Variants in MYO1B observed in about 807,000 individuals in gnomAD.
MYO1B encodes myosin IB, also known as unconventional myosin-Ib.
In MYO1B, 72 loss-of-function variants were observed where a neutral mutation model predicts 159.7. The observed-to-expected ratio is 0.45, with a 90% CI of 0.37 to 0.55. The LOEUF is 0.55. Ranked by LOEUF, MYO1B falls within the 20% of genes least tolerant of loss-of-function variation. MYO1B has a pLI of 0.00. For synonymous variants in MYO1B, 468 were observed against 473.8 expected, an observed-to-expected ratio of 0.99 and a Z score of 0.16; for missense variants, 1,062 against 1,364.8, an observed-to-expected ratio of 0.78 and a Z score of 3.50.
intron 27 of MYO1B, among the ~76,000 whole-genome samples, chr2:191,412,083 G>T (rs1158893464): frequency 2.6e-5 from 4 of 152,194 alleles, no homozygotes; most frequent in African/African-American, 9.7e-5. Context: ...GACTCACTGG[G>T]TTTAAATATT....
intron 1 of MYO1B, among the ~76,000 whole-genome samples, chr2:191,256,183 A>G (rs990045684): frequency 2.6e-5 from 4 of 152,134 alleles, no homozygotes; most frequent in Non-Finnish European, 4.4e-5. Context: ...GTGAAAAGCT[A>G]TGTGGTGCAG....
At chr2:191,332,575 T>G (rs1574448571) in intron 4 of MYO1B, among the ~76,000 whole-genome samples, 1 of 152,226 alleles carries the variant, frequency 6.6e-6, no homozygotes, top group African/African-American at 2.4e-5. Flanking sequence ...CTAACCCACG[T>G]TCAGCACTTA....
intron 2 of MYO1B, among the ~76,000 whole-genome samples, chr2:191,287,866 CT>C (rs11324783): frequency 0.53 from 75,610 of 142,274 alleles, 20,106 homozygotes; most frequent in East Asian, 0.67. Flanking sequence ...TGATCTCAGT[CT>C]TTTTTTTTTT....
intron 30 of MYO1B, among the ~76,000 whole-genome samples, chr2:191,421,499 G>A (rs548556310): frequency 1.3e-4 from 20 of 152,214 alleles, no homozygotes; most frequent in African/African-American, 4.3e-4. Context: ...TTGAGGCAGA[G>A]TCTCCCTCTG....
chr2:191,381,385 T>G, intron 13 of MYO1B, 77 bp from the exon 14 acceptor site: 88 of 996,188 alleles, frequency 8.8e-5, no homozygotes, highest in Non-Finnish European at 1.3e-4. Flanking sequence ...TCTCATGGAT[T>G]GAGATGTCTG....
chr2:191,287,466 G>A (rs190682979), intron 2 of MYO1B, among the ~76,000 whole-genome samples: 92 of 151,960 alleles, frequency 6.1e-4, no homozygotes, highest in African/African-American at 2.1e-3. Flanking sequence ...GGAGGTGGAG[G>A]TTGCAGTGAG....
chr2:191,397,674 T>C (rs1277252934), intron 21 of MYO1B, among the ~76,000 whole-genome samples: 1 of 145,082 alleles, frequency 6.9e-6, no homozygotes, highest in Non-Finnish European at 1.5e-5. Context: ...AAACCGCCAT[T>C]GTCATCATGG....
At chr2:191,375,502 T>TAGATAGATAGAC (rs1329366986) in intron 13 of MYO1B, among the ~76,000 whole-genome samples, 2 of 151,924 alleles carry the variant, frequency 1.3e-5, no homozygotes, top group African/African-American at 4.8e-5. Context: ...GATAGATAGA[T>TAGATAGATAGAC]AGATAGATAG....
chr2:191,394,204 T>C (rs1695930684), intron 20 of MYO1B, among the ~76,000 whole-genome samples: 1 of 152,178 alleles, frequency 6.6e-6, no homozygotes, highest in Non-Finnish European at 1.5e-5. Flanking sequence ...TGCCCAGCCA[T>C]GTGAATGATA....
At chr2:191,416,030 TGTAA>T in intron 29 of MYO1B, 81 bp from the exon 30 acceptor site, 1 of 1,391,514 alleles carries the variant, frequency 7.2e-7, no homozygotes, top group Non-Finnish European at 9.9e-7. Context: ...TTAAAGAGAC[TGTAA>T]GTATGTTTTT....
chr2:191,289,318 A>G (rs1384656216), intron 2 of MYO1B, among the ~76,000 whole-genome samples: 1 of 152,228 alleles, frequency 6.6e-6, no homozygotes, highest in Non-Finnish European at 1.5e-5. Context: ...GTATGCTCTA[A>G]TGAAAAGAGA....
chr2:191,412,887 C>T (rs538070704), intron 27 of MYO1B, among the ~76,000 whole-genome samples: 1 of 152,246 alleles, frequency 6.6e-6, no homozygotes, highest in African/African-American at 2.4e-5. Context: ...GCTTTGGTTA[C>T]TTCTGTCCAT....
At chr2:191,366,784 A>G (rs940977533) in intron 11 of MYO1B, among the ~76,000 whole-genome samples, 4 of 151,692 alleles carry the variant, frequency 2.6e-5, no homozygotes, top group Non-Finnish European at 5.9e-5. Context: ...GCCCATCTAA[A>G]TGCTCTACCT....
At position 191,400,805 on chromosome 2, in the gene MYO1B, A is replaced by G. The variant is rs1182663062; in HGVS notation, c.2439A>G (p.Ala813=). ...KEEARNKHAI[A]VIWAYWLGSK... ...AGGCTAGGAATAAACATGCTATTGC[A>G]GTTATTTGGGCTTACTGGCTTGGAT... The change falls in exon 23 of 31, where the codon GCA becomes GCG. Residue 813 remains alanine (A), a synonymous_variant. Coordinates refer to ENST00000392318, the MANE Select transcript of MYO1B (RefSeq NM_001130158.3). 2 of 1,614,040 alleles carry G rather than the reference A, an allele frequency of 1.2e-6. No homozygotes were observed. The highest frequency in any genetic ancestry group is 1.7e-6 in the Non-Finnish European group (2 of 1,179,896).
intron 21 of MYO1B, among the ~76,000 whole-genome samples, chr2:191,397,405 T>A (rs1014434321): frequency 6.7e-6 from 1 of 150,062 alleles, no homozygotes; most frequent in African/African-American, 2.4e-5. Context: ...TTAACGAGCA[T>A]GCTGACTTCA....
intron 3 of MYO1B, among the ~76,000 whole-genome samples, chr2:191,313,607 A>T (rs1011389513): frequency 6.6e-6 from 1 of 152,112 alleles, no homozygotes. Context: ...GATGGTCTCG[A>T]TCTCCTGACC....
At chr2:191,262,320 A>G (rs1258586345) in intron 1 of MYO1B, among the ~76,000 whole-genome samples, 2 of 151,950 alleles carry the variant, frequency 1.3e-5, no homozygotes, top group African/African-American at 4.8e-5. Flanking sequence ...GCCCACTTTT[A>G]TGCAGTACAC....
At chr2:191,292,211 C>T (rs1688726566) in intron 2 of MYO1B, among the ~76,000 whole-genome samples, 1 of 152,118 alleles carries the variant, frequency 6.6e-6, no homozygotes, top group South Asian at 2.1e-4. Context: ...CTGCTTGGCA[C>T]CATTTTTAGT....
chr2:191,410,949 T>C (rs1229301523), intron 26 of MYO1B, 117 bp from the exon 27 acceptor site: 2 of 598,496 alleles, frequency 3.3e-6, no homozygotes, highest in African/African-American at 3.9e-5. Flanking sequence ...TTTTAGTGAA[T>C]GTTTTGTACT....
Sources: gnomAD v4.1 joint callset for allele counts (sites outside exome capture counted in the v4.1 genomes callset) on GRCh38, gnomAD v4.1.1 for gene constraint, MANE v1.5 for transcripts, NCBI Gene and HGNC (gene_info 2026-07-23, HGNC 2026-07-21) for gene names.